The following PLEKHS1 variants were observed in gnomAD, a reference collection of about 807,000 sequenced individuals.
The protein encoded by PLEKHS1 is pleckstrin homology domain-containing family S member 1.
Under a neutral mutation model 51.0 loss-of-function variants are expected in PLEKHS1, and 55 were observed. The observed-to-expected ratio is 1.08, with a 90% CI of 0.87 to 1.35. The LOEUF is 1.35. PLEKHS1 is among the 40% of genes most tolerant of loss of function. The pLI, the probability that PLEKHS1 is intolerant of heterozygous loss-of-function variation, is 0.00. For synonymous variants in PLEKHS1, 153 were observed against 144.8 expected, an observed-to-expected ratio of 1.06 and a Z score of -0.41; for missense variants, 398 against 423.0, an observed-to-expected ratio of 0.94 and a Z score of 0.52.
At chr10:113,771,345 T>A (rs1421320957) in intron 7 of PLEKHS1, 1 of 152,188 alleles carries the variant, frequency 6.6e-6, no homozygotes, top group Admixed American at 6.5e-5. Flanking sequence ...AGGAAAAAGA[T>A]GAGGGTAGCA....
intron 2 of PLEKHS1, among the ~76,000 whole-genome samples, chr10:113,759,007 G>A (rs111874909): frequency 5.1e-4 from 77 of 151,230 alleles, no homozygotes; most frequent in African/African-American, 1.7e-3. Context: ...CCTTCAATTT[G>A]TAAATAAAAA....
intron 4 of PLEKHS1, among the ~76,000 whole-genome samples, chr10:113,766,949 A>G (rs1844191991): frequency 6.6e-6 from 1 of 152,228 alleles, no homozygotes; most frequent in Admixed American, 6.5e-5. Context: ...ATTAACAGGC[A>G]TTCAGTTAAG....
chr10:113,774,188 G>C (rs1156791207), intron 8 of PLEKHS1, 39 bp from the exon 9 acceptor site: 1 of 1,299,554 alleles, frequency 7.7e-7, no homozygotes, highest in Non-Finnish European at 1.1e-6. Flanking sequence ...TGACTTATCG[G>C]TAAACTGGGA....
chr10:113,753,144 C>A (rs1330379697), intron 1 of PLEKHS1, among the ~76,000 whole-genome samples: 1 of 152,114 alleles, frequency 6.6e-6, no homozygotes, highest in Non-Finnish European at 1.5e-5. Flanking sequence ...ATGCCACCCA[C>A]AGCTAATCTC....
Position 113,751,746 on chromosome 10 carries a change from G to A in PLEKHS1, c.-35G>A, listed in dbSNP as rs1853851940. On this transcript the variant is annotated 5_prime_UTR_variant, in exon 1 of 12. Coordinates refer to ENST00000361048, the Ensembl canonical transcript of PLEKHS1. ...GCACTTTCCTGAGCACTGGACCAGC[G>A]ACCTCTTGGCTTCCAGTAAGTACTG... 5 of 152,306 alleles carry A rather than the reference G, an allele frequency of 3.3e-5. No homozygotes were observed. In the South Asian group the frequency reaches 1.0e-3, roughly 32 times the overall value. The allele number at this position is 152,306 out of a possible 1,614,324, so 9.4% of individuals were successfully genotyped here.
chr10:113,777,450 A>T, intron 11 of PLEKHS1, 191 bp downstream of exon 12: 1 of 1,603,174 alleles, frequency 6.2e-7, no homozygotes, highest in Non-Finnish European at 8.5e-7. Flanking sequence ...GCATTTGGAG[A>T]AGGCACTGAG....
Sources: allele counts gnomAD v4.1 joint callset (sites outside exome capture counted in the v4.1 genomes callset), GRCh38; gene constraint gnomAD v4.1.1; transcripts MANE v1.5; gene names NCBI Gene and HGNC (gene_info 2026-07-23, HGNC 2026-07-21).